WDFY4: variants seen among roughly 807,000 people sequenced by gnomAD.
WDFY4 encodes WD repeat- and FYVE domain-containing protein 4.
A neutral mutation model predicts 351.9 loss-of-function variants in WDFY4; 169 were observed. That is an observed-to-expected ratio of 0.48 (90% CI 0.42 to 0.55). The LOEUF (loss-of-function observed/expected upper bound fraction) is 0.55, where lower values mean the gene tolerates loss of function less well. Ranked by LOEUF, WDFY4 falls within the 20% of genes least tolerant of loss-of-function variation. The probability of loss-of-function intolerance (pLI) is 0.00; values close to 1 mark genes in which losing one functional copy is unlikely to be tolerated. For synonymous variants in WDFY4, 1,622 were observed against 1,574.6 expected, an observed-to-expected ratio of 1.03 and a Z score of -0.71; for missense variants, 3,803 against 3,935.6, an observed-to-expected ratio of 0.97 and a Z score of 0.90.
In WDFY4 at chr10:48,913,675, C is replaced by T. The variant is rs183039954; in HGVS notation, c.7586+11812C>T. The stretch of plus-strand genomic sequence containing the variant: ...AGCTTGGGGAGCTTGGAGATGCTCA[C>T]GGGGATGTTGTTCAGTAGGTTGTCA... On this transcript the variant is annotated intron_variant, in intron 47 of 61. Transcript: ENST00000325239. 107 of 1,613,442 alleles carry T rather than the reference C, an allele frequency of 6.6e-5. 1 individual carries two copies. The highest frequency in any genetic ancestry group is 4.0e-4 in the East Asian group (18 of 44,848).
chr10:48,752,989 A>G lies in WDFY4; in HGVS notation c.2460-7358A>G, dbSNP rs571730544. ...GAACCAATTTTACACACCCAACAGC[A>G]ATATAAAAGGTTTTCAATTTCTCCA... On this transcript the variant is annotated intron_variant, in intron 12 of 61. Transcript: ENST00000325239. Among the ~76,000 whole-genome samples, 7 of 152,324 alleles carry G rather than the reference A, an allele frequency of 4.6e-5. No individual in the cohort carries two copies. In the East Asian group the frequency reaches 1.3e-3, roughly 29 times the overall value.
intron 2 of WDFY4, among the ~76,000 whole-genome samples, chr10:48,710,614 G>A (rs2132211412): frequency 6.6e-6 from 1 of 152,328 alleles, no homozygotes; most frequent in Non-Finnish European, 1.5e-5. Context: ...GGAGAAGATG[G>A]TATGTCCTGA....
At position 48,966,642 on chromosome 10, in the gene WDFY4, G is replaced by A; in HGVS notation, c.8553G>A (p.Gln2851=). ...CACAGCCCTTTTTCTACAGCCTGCAGTCGCTGAGGCCCTCCCAGGTCACGG... is the reference window on the plus strand; with the variant it reads ...CACAGCCCTTTTTCTACAGCCTGCAATCGCTGAGGCCCTCCCAGGTCACGG... ...GHPQPFFYSL[Q]SLRPSQVTVK... The change falls in exon 55 of 62, where the codon CAG becomes CAA. Residue 2851 remains glutamine (Q), a synonymous_variant. Transcript: ENST00000325239. The A allele has an allele frequency of 6.4e-7, 1 of 1,551,860 alleles. No individual in the cohort carries two copies.
chr10:48,819,179 C>T (rs377590161), intron 32 of WDFY4, among the ~76,000 whole-genome samples: 7 of 152,190 alleles, frequency 4.6e-5, no homozygotes, highest in East Asian at 1.9e-4. Flanking sequence ...TGATCGCGGG[C>T]GAGGTCGGGC....
intron 13 of WDFY4, among the ~76,000 whole-genome samples, chr10:48,763,361 A>G (rs1171179374): frequency 2.0e-5 from 3 of 152,274 alleles, no homozygotes; most frequent in African/African-American, 4.8e-5. Flanking sequence ...CTGCAGGGTC[A>G]TGCATTCTGG....
chr10:48,844,165 C>G (rs1394428856), intron 39 of WDFY4, among the ~76,000 whole-genome samples: 1 of 152,234 alleles, frequency 6.6e-6, no homozygotes, highest in Non-Finnish European at 1.5e-5. Context: ...TTCAAAGTCT[C>G]AGAACAGGAA....
At chr10:48,925,606 G>A (rs1009074983) in intron 47 of WDFY4, among the ~76,000 whole-genome samples, 1 of 152,134 alleles carries the variant, frequency 6.6e-6, no homozygotes, top group African/African-American at 2.4e-5. Flanking sequence ...GCTTCCCTGT[G>A]GGCAGAAGGA....
chr10:48,715,248 C>G (rs1589439276), intron 2 of WDFY4, among the ~76,000 whole-genome samples: 1 of 152,240 alleles, frequency 6.6e-6, no homozygotes. Context: ...GGTGTCCCTG[C>G]TGAGCCCTGC....
At chr10:48,884,495 T>C (rs1365113140) in intron 43 of WDFY4, among the ~76,000 whole-genome samples, 5 of 151,938 alleles carry the variant, frequency 3.3e-5, no homozygotes, top group African/African-American at 1.2e-4. Context: ...CACACATGCA[T>C]GCACAGACAC....
intron 1 of WDFY4, among the ~76,000 whole-genome samples, chr10:48,708,412 C>A (rs1293370588): frequency 6.6e-6 from 1 of 152,178 alleles, no homozygotes; most frequent in African/African-American, 2.4e-5. Context: ...CACTGGGAGC[C>A]CACTTCTCTA....
intron 43 of WDFY4, 82 bp downstream of exon 43, chr10:48,877,281 C>A: frequency 7.7e-7 from 1 of 1,292,502 alleles, no homozygotes; most frequent in Non-Finnish European, 1.1e-6. Flanking sequence ...CAAGCTTTCG[C>A]CACTTACATG....
chr10:48,937,136 C>A, intron 47 of WDFY4, among the ~76,000 whole-genome samples: 1 of 152,160 alleles, frequency 6.6e-6, no homozygotes, highest in Non-Finnish European at 1.5e-5. Context: ...TCAGGTGATC[C>A]GCCCACCTCG....
At chr10:48,942,356 G>C (rs1292441358) in intron 48 of WDFY4, among the ~76,000 whole-genome samples, 2 of 145,198 alleles carry the variant, frequency 1.4e-5, no homozygotes, top group African/African-American at 5.1e-5. Context: ...ATTGGAGTCA[G>C]AGCTGGGGAA....
intron 13 of WDFY4, among the ~76,000 whole-genome samples, chr10:48,772,517 C>CT (rs10672319): frequency 0.51 from 35,866 of 70,760 alleles, 8,559 homozygotes; most frequent in East Asian, 0.81. Context: ...GAGGGCAGTT[C>CT]TTTTTTTTTT....
chr10:48,949,359 G>T (rs1340287330), intron 51 of WDFY4, among the ~76,000 whole-genome samples: 1 of 152,216 alleles, frequency 6.6e-6, no homozygotes, highest in Non-Finnish European at 1.5e-5. Context: ...TTTAGCTCTC[G>T]AGAGGATGAG....
rs188521712 is a variant in WDFY4 at position 48,978,348 on chromosome 10, C to T, written c.9331C>T (p.Arg3111Trp). The T allele has an allele frequency of 9.2e-4, 1,426 of 1,551,420 alleles. 2 individuals are homozygous for T. The highest frequency in any genetic ancestry group is 1.0e-3 in the Non-Finnish European group (1,203 of 1,146,872). ...TEDVKMSVPG[R>W]PAGEEPPAQP... is the part of the protein sequence containing the mutation. ...GGATGTGAAGATGTCTGTTCCTGGA[C>T]GGCCAGCAGGAGAGGAGCCCCCGGC... Residue 3111 changes from arginine to tryptophan, a missense_variant, in exon 60 of 62, where the codon CGG (arginine) becomes TGG (tryptophan). This residue lies in a region of WDFY4 where 3,054 missense variants were observed against 3,148.6 expected (regional missense o/e 0.97). Transcript: ENST00000325239.
At chr10:48,904,494 T>C (rs1837515905) in intron 47 of WDFY4, among the ~76,000 whole-genome samples, 1 of 152,190 alleles carries the variant, frequency 6.6e-6, no homozygotes, top group Non-Finnish European at 1.5e-5. Flanking sequence ...TCAAAAATGG[T>C]CTGGCTCCAG....
At chr10:48,800,695 T>A (rs1477799506) in intron 24 of WDFY4, among the ~76,000 whole-genome samples, 2 of 138,146 alleles carry the variant, frequency 1.4e-5, no homozygotes, top group African/African-American at 2.9e-5. Context: ...TCTTTCTTTC[T>A]TTCTTTCTTT....
In WDFY4 at chr10:48,729,459, G is replaced by T; in HGVS notation, c.999G>T (p.Val333=). 1 of 1,551,400 alleles carries T rather than the reference G, an allele frequency of 6.4e-7. No individual in the cohort carries two copies. The highest frequency in any genetic ancestry group is 8.7e-7 in the Non-Finnish European group (1 of 1,147,002). ...ATGATGGGCTGACCCAGAGCGAAGT[G>T]GACCCGCATCTGGAGGAGCTCCTTG... The part of the protein sequence containing the change: ...LRYDGLTQSE[V]DPHLEELLGL... The change falls in exon 8 of 62, where the codon GTG becomes GTT. Residue 333 remains valine, a synonymous_variant. Transcript: ENST00000325239.
Sources: allele counts gnomAD v4.1 joint callset (sites outside exome capture counted in the v4.1 genomes callset), GRCh38; gene constraint gnomAD v4.1.1; regional missense constraint gnomAD v4.1.1; transcripts MANE v1.5; gene names NCBI Gene and HGNC (gene_info 2026-07-23, HGNC 2026-07-21).